Variants in COBL observed in about 807,000 individuals in gnomAD.
COBL encodes the protein protein cordon-bleu.
A neutral mutation model predicts 98.8 loss-of-function variants in COBL; 51 were observed. The ratio of observed to expected loss-of-function variants is 0.52; its 90% CI spans 0.41 to 0.65. The LOEUF (loss-of-function observed/expected upper bound fraction) is 0.65. COBL is among the 30% of genes least tolerant of loss of function. The pLI is 0.00. For missense variants in COBL, 1,617 were observed against 1,617.5 expected (o/e 1.00, Z 0.01); for synonymous variants, 634 against 651.7 (o/e 0.97, Z 0.41).
intron 5 of COBL, among the ~76,000 whole-genome samples, chr7:51,160,909 CT>C (rs371720725): frequency 0.071 from 10,356 of 145,036 alleles, 364 homozygotes; most frequent in Middle Eastern, 0.13. Context: ...GAATATAAAG[CT>C]TTTTTTTTTT....
chr7:51,064,634 C>T (rs1583659283), intron 7 of COBL: 2 of 152,580 alleles, frequency 1.3e-5, no homozygotes, highest in South Asian at 4.1e-4. Flanking sequence ...AGTTGCTGTT[C>T]AGTGAGTAGA....
chr7:51,117,647 T>A (rs1797395750), intron 6 of COBL, among the ~76,000 whole-genome samples: 2 of 152,228 alleles, frequency 1.3e-5, no homozygotes, highest in African/African-American at 4.8e-5. Context: ...TTACAAGCAG[T>A]CGTAAAATTC....
At chr7:51,159,247 C>T (rs1318394794) in intron 5 of COBL, among the ~76,000 whole-genome samples, 2 of 152,082 alleles carry the variant, frequency 1.3e-5, no homozygotes, top group Non-Finnish European at 2.9e-5. Context: ...GGAAGTGGAG[C>T]CGCCAGGAGG....
chr7:51,045,727 A>C (rs563829345), intron 7 of COBL, among the ~76,000 whole-genome samples: 1 of 151,836 alleles, frequency 6.6e-6, no homozygotes, highest in Non-Finnish European at 1.5e-5. Flanking sequence ...ACCCACCTCC[A>C]CCCCTTCTCT....
chr7:51,016,634 G>A lies in COBL; in HGVS notation c.*917C>T, dbSNP rs534213903. 3.6e-5 allele frequency: 10 copies of A among 275,840 alleles called. No individual in the cohort carries two copies. In the South Asian group the frequency reaches 6.7e-4, roughly 19 times the overall value. 17.1% of individuals were successfully genotyped at this position (275,840 alleles called of 1,614,324 possible). A position where few individuals can be genotyped will look rare whatever the true frequency, so the allele number is the denominator to read the frequency against. On this transcript the variant is annotated 3_prime_UTR_variant, in exon 13 of 13. Coordinates refer to ENST00000265136, the MANE Select transcript of COBL (RefSeq NM_015198.5). ...GAACCAAAATTGTGATGCTCTCAGC[G>A]CAACTTTGATCTGAACTCTTGACAG...
At chr7:51,240,820 G>C (rs1267349018) in intron 1 of COBL, among the ~76,000 whole-genome samples, 1 of 152,190 alleles carries the variant, frequency 6.6e-6, no homozygotes, top group Non-Finnish European at 1.5e-5. Flanking sequence ...TGGGATTACA[G>C]GCATGAACCA....
chr7:51,203,480 A>G (rs1791361887), intron 2 of COBL, among the ~76,000 whole-genome samples: 1 of 150,668 alleles, frequency 6.6e-6, no homozygotes, highest in Admixed American at 6.6e-5. Context: ...AAAAAAAAAA[A>G]AAAAACTCTT....
At chr7:51,169,857 C>T (rs1468803965) in intron 5 of COBL, among the ~76,000 whole-genome samples, 1 of 152,062 alleles carries the variant, frequency 6.6e-6, no homozygotes, top group Non-Finnish European at 1.5e-5. Flanking sequence ...TTGTTTGTAA[C>T]ACAAAATATA....
At chr7:51,081,093 A>AGGAGCGCGGGGCG (rs1297015988) in intron 7 of COBL, among the ~76,000 whole-genome samples, 1 of 151,992 alleles carries the variant, frequency 6.6e-6, no homozygotes, top group Non-Finnish European at 1.5e-5. Context: ...AGCGCGGGGC[A>AGGAGCGCGGGGCG]GGAGCGGGGC....
chr7:51,153,377 G>A (rs1045897233), intron 5 of COBL, among the ~76,000 whole-genome samples: 3 of 152,122 alleles, frequency 2.0e-5, no homozygotes, highest in Non-Finnish European at 4.4e-5. Context: ...AAAATAACTA[G>A]AATAAAGTAA....
At chr7:51,166,886 T>C (rs909218864) in intron 5 of COBL, among the ~76,000 whole-genome samples, 2 of 152,120 alleles carry the variant, frequency 1.3e-5, no homozygotes, top group African/African-American at 4.8e-5. Context: ...TTGAAAAGCA[T>C]TTGATAACAT....
chr7:51,095,139 G>C (rs1314161490), intron 6 of COBL, among the ~76,000 whole-genome samples: 1 of 152,162 alleles, frequency 6.6e-6, no homozygotes, highest in Non-Finnish European at 1.5e-5. Context: ...CACATGGGTG[G>C]GGAGGCCTCA....
At chr7:51,262,599 T>C (rs1797818264) in intron 1 of COBL, among the ~76,000 whole-genome samples, 3 of 152,186 alleles carry the variant, frequency 2.0e-5, no homozygotes, top group African/African-American at 7.2e-5. Context: ...TCGCCATGCC[T>C]GTGAACCAAC....
chr7:51,091,258 A>G (rs1256319176), intron 6 of COBL, among the ~76,000 whole-genome samples: 2 of 152,238 alleles, frequency 1.3e-5, no homozygotes, highest in Non-Finnish European at 2.9e-5. Context: ...GTGCACTACA[A>G]GAGAATACTC....
intron 6 of COBL, among the ~76,000 whole-genome samples, chr7:51,113,020 C>G (rs1308832310): frequency 6.6e-6 from 1 of 152,144 alleles, no homozygotes; most frequent in Non-Finnish European, 1.5e-5. Flanking sequence ...CTTAACCTTC[C>G]GGAAATGATA....
rs771936587 is a variant in COBL at position 51,191,027 on chromosome 7, G to A, written c.508C>T (p.Arg170Cys). 3.5e-5 allele frequency: 57 copies of A among 1,613,990 alleles called. No individual in the cohort carries two copies. The highest frequency in any genetic ancestry group is 4.6e-5 in the Non-Finnish European group (54 of 1,180,016). The change falls in exon 4 of 13, where the codon CGT becomes TGT. Residue 170 changes from arginine (R) to cysteine (C), a missense_variant. Coordinates refer to ENST00000265136, the MANE Select transcript of COBL (RefSeq NM_015198.5). ...NYLRTQKAVV[R>C]VSPEVPLQNI... ...TGGAGAGGAACCTCAGGGCTCACAC[G>A]CACAACAGCTTTTTGTGTCCGCAGG...
At chr7:51,068,560 T>C (rs757392862) in intron 7 of COBL, among the ~76,000 whole-genome samples, 15 of 152,216 alleles carry the variant, frequency 9.9e-5, no homozygotes, top group Non-Finnish European at 2.2e-4. Context: ...CATATACACA[T>C]ATACATACAC....
chr7:51,206,949 T>C (rs951610537), intron 2 of COBL, among the ~76,000 whole-genome samples: 26 of 152,202 alleles, frequency 1.7e-4, no homozygotes, highest in African/African-American at 6.0e-4. Flanking sequence ...ATGTCCACCA[T>C]GAGGACTGCA....
At chr7:51,227,192 G>A (rs1364236566) in intron 1 of COBL, among the ~76,000 whole-genome samples, 2 of 152,122 alleles carry the variant, frequency 1.3e-5, no homozygotes, top group African/African-American at 2.4e-5. Flanking sequence ...TTGTAGAGAC[G>A]CCCCCTTTAC....
Sources: gnomAD v4.1 joint callset for allele counts (sites outside exome capture counted in the v4.1 genomes callset) on GRCh38, gnomAD v4.1.1 for gene constraint, MANE v1.5 for transcripts, NCBI Gene and HGNC (gene_info 2026-07-23, HGNC 2026-07-21) for gene names.